The following CA10 variants were observed in gnomAD, a reference collection of about 807,000 sequenced individuals.
The protein encoded by CA10 is carbonic anhydrase-related protein 10.
In CA10, 14 loss-of-function variants were observed where a neutral mutation model predicts 44.2. That is an observed-to-expected ratio of 0.32 (90% CI 0.21 to 0.50). The LOEUF (loss-of-function observed/expected upper bound fraction) is 0.50. Among genes scored for constraint, CA10 ranks in the 20% least tolerant of loss-of-function variants. The pLI, the probability that CA10 is intolerant of heterozygous loss-of-function variation, is 0.99. For missense variants in CA10, 350 were observed against 409.7 expected (o/e 0.85, Z 1.26); for synonymous variants, 159 against 141.6 (o/e 1.12, Z -0.87).
At chr17:51,884,949 T>C (rs1197330358) in intron 3 of CA10, among the ~76,000 whole-genome samples, 2 of 152,204 alleles carry the variant, frequency 1.3e-5, no homozygotes, top group Admixed American at 6.5e-5. Flanking sequence ...ATGCCCTTTC[T>C]CTATGAGGAT....
chr17:52,146,902 C>T (rs1279748290), intron 1 of CA10, among the ~76,000 whole-genome samples: 2 of 152,056 alleles, frequency 1.3e-5, no homozygotes, highest in Non-Finnish European at 2.9e-5. Context: ...ACTCCCAAGT[C>T]ACCACTAAAT....
At chr17:52,034,772 A>G (rs1036586746) in intron 2 of CA10, among the ~76,000 whole-genome samples, 1 of 152,204 alleles carries the variant, frequency 6.6e-6, no homozygotes, top group African/African-American at 2.4e-5. Context: ...AAGCTCTTAG[A>G]GACTACAGGA....
chr17:51,635,906 C>T lies in CA10; in HGVS notation c.738G>A (p.Glu246=). 2 of 1,609,024 alleles carry T rather than the reference C, an allele frequency of 1.2e-6. No homozygotes were observed. The change falls in exon 7 of 9, where the codon GAG becomes GAA. Residue 246 remains glutamate (E), a synonymous_variant. Transcript: ENST00000451037. ...DGSMTIPPCY[E]TASWIIMNKP... is the part of the protein sequence containing the mutation. Reference sequence around the variant, plus strand: ...TGTTCATTATGATCCAACTTGCTGTCTCATAGCAGGGTGGGATAGTCATCG... The same window carrying T: ...TGTTCATTATGATCCAACTTGCTGTTTCATAGCAGGGTGGGATAGTCATCG...
chr17:51,811,788 T>C (rs1567847698), intron 3 of CA10, among the ~76,000 whole-genome samples: 1 of 152,230 alleles, frequency 6.6e-6, no homozygotes, highest in Non-Finnish European at 1.5e-5. Flanking sequence ...TACTATGATT[T>C]ATTAGTAATG....
intron 4 of CA10, among the ~76,000 whole-genome samples, chr17:51,738,837 G>A (rs533980330): frequency 2.0e-5 from 3 of 152,164 alleles, no homozygotes; most frequent in Non-Finnish European, 4.4e-5. Flanking sequence ...GGATTTGACA[G>A]AATTCTAAAT....
chr17:52,084,058 G>A (rs1276903244), intron 1 of CA10, among the ~76,000 whole-genome samples: 1 of 152,126 alleles, frequency 6.6e-6, no homozygotes, highest in Non-Finnish European at 1.5e-5. Context: ...AGCCTCTGAG[G>A]ACATTCGTGC....
At chr17:51,907,618 A>G (rs973062293) in intron 3 of CA10, among the ~76,000 whole-genome samples, 1 of 152,050 alleles carries the variant, frequency 6.6e-6, no homozygotes, top group African/African-American at 2.4e-5. Flanking sequence ...AGCTGATAAG[A>G]GCCCCTGTGC....
chr17:52,019,786 G>A lies in CA10; in HGVS notation c.136+52533C>T, dbSNP rs148480878. Among the ~76,000 whole-genome samples the A allele has an allele frequency of 1.3e-4, 19 of 151,980 alleles. No individual in the cohort carries two copies. In the East Asian group the frequency reaches 3.7e-3, roughly 29 times the overall value. ...TAATTTCCAATGTAATTGCTTCTTT[G>A]ATCCATGGGTTATTTAGAAATACGT... On this transcript the variant is annotated intron_variant, in intron 2 of 8. Transcript: ENST00000451037.
intron 3 of CA10, among the ~76,000 whole-genome samples, chr17:51,815,555 C>T (rs1481284417): frequency 6.6e-6 from 1 of 152,048 alleles, no homozygotes; most frequent in Non-Finnish European, 1.5e-5. Flanking sequence ...CAGTGAGCTG[C>T]AGGTGAAATG....
chr17:51,870,070 A>T (rs996655548), intron 3 of CA10, among the ~76,000 whole-genome samples: 6 of 152,238 alleles, frequency 3.9e-5, no homozygotes, highest in Non-Finnish European at 8.8e-5. Context: ...CTATTGCTGC[A>T]TGAACTTTTA....
At chr17:51,920,230 G>A (rs1348800225) in intron 3 of CA10, among the ~76,000 whole-genome samples, 4 of 152,156 alleles carry the variant, frequency 2.6e-5, no homozygotes, top group Non-Finnish European at 5.9e-5. Context: ...TTCCATGAAA[G>A]TGGAGAACCA....
intron 1 of CA10, among the ~76,000 whole-genome samples, chr17:52,136,880 A>G (rs1989371776): frequency 6.6e-6 from 1 of 152,146 alleles, no homozygotes; most frequent in Non-Finnish European, 1.5e-5. Flanking sequence ...TTGCACCTAG[A>G]TTAGTGAAAG....
chr17:52,132,529 T>C (rs1480574551), intron 1 of CA10, among the ~76,000 whole-genome samples: 1 of 152,214 alleles, frequency 6.6e-6, no homozygotes, highest in African/African-American at 2.4e-5. Context: ...TGCTATATTA[T>C]TCTGAATAAT....
intron 1 of CA10, among the ~76,000 whole-genome samples, chr17:52,113,988 G>A (rs997397568): frequency 3.3e-5 from 5 of 152,154 alleles, no homozygotes; most frequent in African/African-American, 1.2e-4. Flanking sequence ...ATGGGATGGG[G>A]TCCTGAACAG....
At chr17:51,674,219 G>A (rs1914535405) in intron 4 of CA10, among the ~76,000 whole-genome samples, 1 of 152,196 alleles carries the variant, frequency 6.6e-6, no homozygotes, top group African/African-American at 2.4e-5. Flanking sequence ...CACAGCTTCT[G>A]ACACACCATA....
intron 2 of CA10, among the ~76,000 whole-genome samples, chr17:52,043,069 A>G (rs913229757): frequency 2.0e-5 from 3 of 151,826 alleles, no homozygotes; most frequent in African/African-American, 7.3e-5. Flanking sequence ...TTTGCATTGG[A>G]TATTCAGAGC....
At chr17:52,005,906 G>A (rs1036202614) in intron 2 of CA10, among the ~76,000 whole-genome samples, 4 of 151,832 alleles carry the variant, frequency 2.6e-5, no homozygotes, top group Non-Finnish European at 5.9e-5. Context: ...GGTAAGAAAG[G>A]TGAGGGTGAG....
chr17:52,066,860 G>T (rs1987550922), intron 2 of CA10, among the ~76,000 whole-genome samples: 1 of 152,144 alleles, frequency 6.6e-6, no homozygotes, highest in African/African-American at 2.4e-5. Flanking sequence ...TAGGGTATCT[G>T]GCAGAAGAAA....
chr17:51,638,275 G>A (rs1176128664), intron 6 of CA10, among the ~76,000 whole-genome samples: 1 of 152,210 alleles, frequency 6.6e-6, no homozygotes, highest in African/African-American at 2.4e-5. Flanking sequence ...CTCCCTTGAT[G>A]GGGTAAGGGA....
Sources: gnomAD v4.1 joint callset for allele counts (sites outside exome capture counted in the v4.1 genomes callset) on GRCh38, gnomAD v4.1.1 for gene constraint, MANE v1.5 for transcripts, NCBI Gene and HGNC (gene_info 2026-07-23, HGNC 2026-07-21) for gene names.